Variants in PTPRD observed in about 807,000 individuals in gnomAD.
The protein encoded by PTPRD is protein tyrosine phosphatase receptor type D.
Under a neutral mutation model 214.5 loss-of-function variants are expected in PTPRD, and 34 were observed. The ratio of observed to expected loss-of-function variants is 0.16; its 90% confidence interval spans 0.12 to 0.21. PTPRD has a LOEUF of 0.21. Among genes scored for constraint, PTPRD ranks in the 10% least tolerant of loss-of-function variants. The pLI is 1.00. For missense variants in PTPRD, 2,545 were observed against 2,398.7 expected, an observed-to-expected ratio of 1.06 and a Z score of -1.27; for synonymous variants, 1,128 against 845.7, an observed-to-expected ratio of 1.33 and a Z score of -5.79.
At chr9:9,299,877 C>T (rs1401825973) in intron 9 of PTPRD, among the ~76,000 whole-genome samples, 1 of 151,012 alleles carries the variant, frequency 6.6e-6, no homozygotes, top group Non-Finnish European at 1.5e-5. Context: ...ACTGATTAAT[C>T]TAACTTGAAA....
intron 9 of PTPRD, among the ~76,000 whole-genome samples, chr9:9,238,966 C>T (rs564592796): frequency 2.0e-5 from 3 of 152,120 alleles, no homozygotes; most frequent in Admixed American, 6.6e-5. Context: ...CAGACAGCCA[C>T]GGTGTGTCTT....
At chr9:10,269,556 T>C (rs571399818) in intron 3 of PTPRD, among the ~76,000 whole-genome samples, 1 of 152,330 alleles carries the variant, frequency 6.6e-6, no homozygotes, top group African/African-American at 2.4e-5. Flanking sequence ...TTGCTTACAC[T>C]TTTTTCTCTG....
intron 11 of PTPRD, among the ~76,000 whole-genome samples, chr9:8,802,951 C>A (rs1268035471): frequency 6.6e-6 from 1 of 151,836 alleles, no homozygotes; most frequent in Non-Finnish European, 1.5e-5. Context: ...ACTTGGGAGG[C>A]TGAGGTTAGG....
chr9:9,057,917 A>C (rs1459956833), intron 10 of PTPRD, among the ~76,000 whole-genome samples: 1 of 152,224 alleles, frequency 6.6e-6, no homozygotes, highest in Non-Finnish European at 1.5e-5. Flanking sequence ...ATTATATAAA[A>C]ATAATCATAG....
At chr9:8,825,496 C>T (rs949030954) in intron 11 of PTPRD, among the ~76,000 whole-genome samples, 1 of 152,068 alleles carries the variant, frequency 6.6e-6, no homozygotes, top group Non-Finnish European at 1.5e-5. Flanking sequence ...TAGGAGTACA[C>T]TTAACTGTTA....
Position 10,524,061 on chromosome 9 carries a change from T to C in PTPRD, c.-600+88337A>G, listed in dbSNP as rs73396226. ...TTGCAGAAGGTGTCCGTCTTATAAG[T>C]CCTCACGTGAACTTTCCTTGGTACA... On this transcript the variant is annotated intron_variant, in intron 2 of 45. Coordinates refer to ENST00000381196, the MANE Select transcript of PTPRD (RefSeq NM_002839.4). 9.9e-3 allele frequency among the ~76,000 whole-genome samples: 1,509 copies of C among 152,088 alleles called. 26 individuals are homozygous for C. The highest frequency in any genetic ancestry group is 0.035 in the African/African-American group (1,434 of 41,498).
chr9:10,158,223 G>C (rs2099105724), intron 3 of PTPRD, among the ~76,000 whole-genome samples: 1 of 152,128 alleles, frequency 6.6e-6, no homozygotes, highest in Admixed American at 6.5e-5. Context: ...TGGCCAGGCT[G>C]TTCTCGAACT....
chr9:8,686,332 GT>G (rs746647563), intron 12 of PTPRD, among the ~76,000 whole-genome samples: 7 of 152,126 alleles, frequency 4.6e-5, no homozygotes, highest in Non-Finnish European at 8.8e-5. Flanking sequence ...TGGAATCTGA[GT>G]TCATGTACAA....
chr9:9,716,424 G>A (rs1397721547), intron 7 of PTPRD, among the ~76,000 whole-genome samples: 7 of 151,806 alleles, frequency 4.6e-5, no homozygotes, highest in Non-Finnish European at 8.8e-5. Flanking sequence ...CTGAGGAATC[G>A]CCACACTGAC....
intron 4 of PTPRD, among the ~76,000 whole-genome samples, chr9:10,012,541 C>T (rs994732857): frequency 4.0e-5 from 6 of 151,860 alleles, no homozygotes; most frequent in Non-Finnish European, 7.4e-5. Context: ...AGAAAATAAT[C>T]ACATACATTA....
intron 11 of PTPRD, among the ~76,000 whole-genome samples, chr9:8,757,065 C>A (rs538364141): frequency 3.9e-5 from 6 of 152,272 alleles, no homozygotes; most frequent in South Asian, 2.1e-4. Flanking sequence ...TCACTTGAAC[C>A]TGGGAGGCAG....
intron 11 of PTPRD, among the ~76,000 whole-genome samples, chr9:8,920,652 T>C (rs904850390): frequency 6.6e-6 from 1 of 152,182 alleles, no homozygotes; most frequent in Non-Finnish European, 1.5e-5. Flanking sequence ...TTGGGCCACA[T>C]TCAAAGCCAT....
At chr9:9,969,433 G>A (rs2154041245) in intron 4 of PTPRD, among the ~76,000 whole-genome samples, 1 of 152,242 alleles carries the variant, frequency 6.6e-6, no homozygotes, top group South Asian at 2.1e-4. Context: ...GTAGTCAAAT[G>A]TGACAGGAAT....
intron 5 of PTPRD, among the ~76,000 whole-genome samples, chr9:9,855,166 C>T (rs2061311559): frequency 6.6e-6 from 1 of 152,118 alleles, no homozygotes. Context: ...AGCCTTTCTT[C>T]TTTTACAAGA....
At chr9:8,530,089 A>G (rs2075295502) in intron 14 of PTPRD, among the ~76,000 whole-genome samples, 1 of 152,066 alleles carries the variant, frequency 6.6e-6, no homozygotes, top group East Asian at 1.9e-4. Flanking sequence ...TACAAGCTCC[A>G]GTATAATCCA....
In PTPRD at chr9:10,597,916, T is replaced by C. The variant is rs142231741; in HGVS notation, c.-600+14482A>G. On this transcript the variant is annotated intron_variant, in intron 2 of 45. Coordinates refer to ENST00000381196, the MANE Select transcript of PTPRD (RefSeq NM_002839.4). ...GCCTTCTATAAGCTTTCATCGCATT[T>C]TGATTATCTGGACAATTACATAAAA... Among the ~76,000 whole-genome samples, 592 of 151,938 alleles carry C rather than the reference T, an allele frequency of 3.9e-3. 6 individuals are homozygous for C. Among genetic ancestry groups the C allele is most frequent in the African/African-American group, 0.013 (551 of 41,526 alleles).
rs968018685 is a variant in PTPRD at position 9,749,219 on chromosome 9, T to C, written c.-325-14648A>G. ...CTCAGTCAATTTCTATGCTGTCATG[T>C]GATGATCAGGGAGGGCCAACTCTGC... On this transcript the variant is annotated intron_variant, in intron 6 of 45. Transcript: ENST00000381196. Among the ~76,000 whole-genome samples, 3 of 152,168 alleles carry C rather than the reference T, an allele frequency of 2.0e-5. 1 individual carries two copies. Among genetic ancestry groups the C allele is most frequent in the Admixed American group, 1.3e-4 (2 of 15,268 alleles).
chr9:10,335,345 C>T (rs1364612173), intron 3 of PTPRD, among the ~76,000 whole-genome samples: 1 of 151,730 alleles, frequency 6.6e-6, no homozygotes, highest in Non-Finnish European at 1.5e-5. Context: ...AAAAGATCAC[C>T]TTTCCAACAA....
intron 6 of PTPRD, among the ~76,000 whole-genome samples, chr9:9,744,044 C>A (rs2098434971): frequency 6.6e-6 from 1 of 152,018 alleles, no homozygotes; most frequent in Non-Finnish European, 1.5e-5. Flanking sequence ...AAGACTTTTA[C>A]ATATACTTCT....
Sources: gnomAD v4.1 joint callset for allele counts (sites outside exome capture counted in the v4.1 genomes callset) on GRCh38, gnomAD v4.1.1 for gene constraint, MANE v1.5 for transcripts, NCBI Gene and HGNC (gene_info 2026-07-23, HGNC 2026-07-21) for gene names.